The following SNTG2 variants were observed in gnomAD, a reference collection of about 807,000 sequenced individuals.
The protein encoded by SNTG2 is gamma-2-syntrophin.
A neutral mutation model predicts 70.9 loss-of-function variants in SNTG2; 74 were observed. That is an observed-to-expected ratio of 1.04 (90% CI 0.86 to 1.27). The LOEUF (loss-of-function observed/expected upper bound fraction) is 1.27. Ranked by LOEUF, SNTG2 falls within the 50% of genes most tolerant of loss-of-function variation. The probability of loss-of-function intolerance (pLI) is 0.00; values close to 1 mark genes in which losing one functional copy is unlikely to be tolerated. For synonymous variants in SNTG2, 278 were observed against 273.8 expected (o/e 1.02, Z -0.15); for missense variants, 717 against 690.7 (o/e 1.04, Z -0.43).
chr2:1,035,697 T>C (rs1661090100), intron 1 of SNTG2, among the ~76,000 whole-genome samples: 1 of 152,196 alleles, frequency 6.6e-6, no homozygotes, highest in South Asian at 2.1e-4. Flanking sequence ...GTTTAAACAG[T>C]TTTAAATGGG....
At chr2:1,126,911 G>A (rs900834963) in intron 4 of SNTG2, among the ~76,000 whole-genome samples, 3 of 152,006 alleles carry the variant, frequency 2.0e-5, no homozygotes, top group South Asian at 2.1e-4. Flanking sequence ...CTCCCATTCC[G>A]TGGCTTGTCT....
chr2:1,294,563 A>C (rs1453648034), intron 14 of SNTG2, among the ~76,000 whole-genome samples: 2 of 152,190 alleles, frequency 1.3e-5, no homozygotes, highest in Non-Finnish European at 2.9e-5. Flanking sequence ...ACTGGTTAAG[A>C]TTAAAGAAAT....
At chr2:1,011,012 G>T (rs967794111) in intron 1 of SNTG2, among the ~76,000 whole-genome samples, 5 of 152,246 alleles carry the variant, frequency 3.3e-5, no homozygotes, top group African/African-American at 1.2e-4. Flanking sequence ...TTTATAAGAT[G>T]CAATGGTGTG....
chr2:1,297,833 C>G (rs1248077173), intron 14 of SNTG2, among the ~76,000 whole-genome samples: 1 of 152,236 alleles, frequency 6.6e-6, no homozygotes, highest in Non-Finnish European at 1.5e-5. Flanking sequence ...GAGACTCCAT[C>G]TCACACTAGA....
chr2:1,339,858 C>A (rs915953520), intron 16 of SNTG2, among the ~76,000 whole-genome samples: 40 of 152,224 alleles, frequency 2.6e-4, no homozygotes, highest in Admixed American at 2.6e-3. Context: ...GCAGCACCCC[C>A]TGTCCCTATG....
rs189724141 is a variant in SNTG2 at position 1,199,791 on chromosome 2, A to G, written c.592-9312A>G. Among the ~76,000 whole-genome samples, 255 of 152,210 alleles carry G rather than the reference A, an allele frequency of 1.7e-3. 2 individuals are homozygous for G. Among genetic ancestry groups the G allele is most frequent in the African/African-American group, 5.8e-3 (240 of 41,580 alleles). On this transcript the variant is annotated intron_variant, in intron 8 of 16. Transcript: ENST00000308624. ...TCACAATAGCTATGAAAAAATATTTAGGAATAAGTTTAATCAAAGAGGTAA... is the reference window on the plus strand; with the variant it reads ...TCACAATAGCTATGAAAAAATATTTGGGAATAAGTTTAATCAAAGAGGTAA...
intron 2 of SNTG2, among the ~76,000 whole-genome samples, chr2:1,091,249 G>A (rs1246559287): frequency 2.0e-5 from 3 of 152,174 alleles, no homozygotes; most frequent in African/African-American, 7.2e-5. Context: ...CTCATCACCT[G>A]CCCTGATAGT....
intron 8 of SNTG2, among the ~76,000 whole-genome samples, chr2:1,174,019 A>T (rs62107161): frequency 2.4e-3 from 362 of 152,372 alleles, no homozygotes; most frequent in Middle Eastern, 6.8e-3. Context: ...TCATGTTTGT[A>T]CAATCTATGT....
intron 16 of SNTG2, among the ~76,000 whole-genome samples, chr2:1,344,788 G>A (rs1474236813): frequency 2.9e-3 from 1 of 346 alleles, no homozygotes. Context: ...GTAGGACAGC[G>A]GCAGCTTCCT....
chr2:1,251,475 C>T (rs1471030838), intron 12 of SNTG2, among the ~76,000 whole-genome samples: 2 of 146,240 alleles, frequency 1.4e-5, no homozygotes, highest in Non-Finnish European at 3.0e-5. Context: ...ACACACACCA[C>T]TCATGCACAC....
chr2:961,959 C>T (rs1250799734), intron 1 of SNTG2, among the ~76,000 whole-genome samples: 2 of 152,188 alleles, frequency 1.3e-5, no homozygotes, highest in South Asian at 4.1e-4. Flanking sequence ...AGTACTTCTT[C>T]CCAGATGAGC....
At chr2:1,338,478 C>A (rs1477105364) in intron 16 of SNTG2, among the ~76,000 whole-genome samples, 1 of 151,990 alleles carries the variant, frequency 6.6e-6, no homozygotes, top group Non-Finnish European at 1.5e-5. Flanking sequence ...TTCTTAATTT[C>A]TTTTTCAGAT....
At chr2:1,207,719 T>C (rs920923550) in intron 8 of SNTG2, among the ~76,000 whole-genome samples, 1 of 152,098 alleles carries the variant, frequency 6.6e-6, no homozygotes, top group Non-Finnish European at 1.5e-5. Context: ...GTTCCAGGGA[T>C]CTCATGAGAA....
chr2:1,111,435 C>G (rs1472625016), intron 4 of SNTG2, among the ~76,000 whole-genome samples: 1 of 152,098 alleles, frequency 6.6e-6, no homozygotes, highest in East Asian at 1.9e-4. Context: ...AGATTAGGAC[C>G]GCAGGTGTGC....
intron 4 of SNTG2, among the ~76,000 whole-genome samples, chr2:1,136,915 A>G (rs758424633): frequency 6.6e-6 from 1 of 152,190 alleles, no homozygotes; most frequent in African/African-American, 2.4e-5. Context: ...ACGTTTGCTT[A>G]TGAGAATGAG....
chr2:1,032,902 T>C (rs1660918215), intron 1 of SNTG2, among the ~76,000 whole-genome samples: 1 of 152,194 alleles, frequency 6.6e-6, no homozygotes, highest in African/African-American at 2.4e-5. Context: ...TGTGCGAGCA[T>C]GGCACTGACA....
chr2:1,027,989 G>A (rs1660582269), intron 1 of SNTG2, among the ~76,000 whole-genome samples: 1 of 151,472 alleles, frequency 6.6e-6, no homozygotes, highest in Non-Finnish European at 1.5e-5. Flanking sequence ...CATCATTGAA[G>A]GTGCGTCCGA....
In SNTG2 at chr2:1,247,425, C is replaced by T. The variant is rs761176950; in HGVS notation, c.987C>T (p.Tyr329=). Reference sequence around the variant, plus strand: ...TAGCACTGAAGGGCCCGTCCTTCTACGTTTTCAGCACTCCTCCGGTAAGGA... The same window carrying T: ...TAGCACTGAAGGGCCCGTCCTTCTATGTTTTCAGCACTCCTCCGGTAAGGA... The part of the protein sequence containing the change: ...KFLALKGPSF[Y]VFSTPPVSTF... The change falls in exon 12 of 17, where the codon TAC becomes TAT. Residue 329 remains tyrosine, a synonymous_variant. Coordinates refer to ENST00000308624, the MANE Select transcript of SNTG2 (RefSeq NM_018968.4). 7.1e-5 allele frequency: 114 copies of T among 1,612,722 alleles called. 2 individuals carry two copies. The South Asian group carries it at 7.1e-4, about 10-fold the overall frequency.
chr2:1,115,778 C>T (rs1011141491), intron 4 of SNTG2, among the ~76,000 whole-genome samples: 21 of 152,196 alleles, frequency 1.4e-4, no homozygotes, highest in African/African-American at 4.3e-4. Context: ...TGATGTTTAA[C>T]CCTTACAGTC....
Sources: gnomAD v4.1 joint callset for allele counts (sites outside exome capture counted in the v4.1 genomes callset) on GRCh38, gnomAD v4.1.1 for gene constraint, MANE v1.5 for transcripts, NCBI Gene and HGNC (gene_info 2026-07-23, HGNC 2026-07-21) for gene names.